Variants in MGAT4C observed in about 807,000 individuals in gnomAD.
MGAT4C encodes MGAT4 family member C.
MGAT4C carries 19 observed loss-of-function variants against 40.1 expected under a neutral mutation model. That is an observed-to-expected ratio of 0.47 (90% CI 0.33 to 0.70). MGAT4C has a LOEUF of 0.70. MGAT4C is among the 30% of genes least tolerant of loss of function. The pLI is 0.02. For synonymous variants in MGAT4C, 181 were observed against 187.1 expected, an observed-to-expected ratio of 0.97 and a Z score of 0.27; for missense variants, 491 against 563.2, an observed-to-expected ratio of 0.87 and a Z score of 1.30.
rs184625977 is a variant in MGAT4C at position 86,120,851 on chromosome 12, C to T, written c.-56-71128G>A. Reference sequence around the variant, plus strand: ...GAGCGCCTCTTCTCCTCCAAAGGAACGCAGCTCCTTGCCAGCAATGGAACA... The same window carrying T: ...GAGCGCCTCTTCTCCTCCAAAGGAATGCAGCTCCTTGCCAGCAATGGAACA... On this transcript the variant is annotated intron_variant, in intron 1 of 4. Transcript: ENST00000611864. 5.4e-4 allele frequency among the ~76,000 whole-genome samples: 83 copies of T among 152,304 alleles called. 2 individuals carry two copies. In the East Asian group the frequency reaches 7.5e-3, roughly 14 times the overall value.
intron 2 of MGAT4C, among the ~76,000 whole-genome samples, chr12:86,701,081 C>A (rs571643879): frequency 2.6e-5 from 4 of 152,184 alleles, no homozygotes; most frequent in Non-Finnish European, 5.9e-5. Flanking sequence ...CCATAGTATT[C>A]TTTCATGTCT....
intron 2 of MGAT4C, among the ~76,000 whole-genome samples, chr12:86,686,493 G>T (rs1038631715): frequency 6.6e-6 from 1 of 152,064 alleles, no homozygotes; most frequent in Non-Finnish European, 1.5e-5. Context: ...AGCTCTTATT[G>T]TTTTGAGATG....
chr12:86,735,372 G>T (rs898287380), intron 1 of MGAT4C, among the ~76,000 whole-genome samples: 18 of 151,778 alleles, frequency 1.2e-4, no homozygotes, highest in Non-Finnish European at 2.5e-4. Context: ...TGATTTGAAA[G>T]AAGTAACTGG....
intron 2 of MGAT4C, among the ~76,000 whole-genome samples, chr12:86,447,780 A>G (rs776983457): frequency 7.9e-5 from 12 of 152,152 alleles, no homozygotes; most frequent in Non-Finnish European, 1.2e-4. Flanking sequence ...GGTAGAATGA[A>G]ACTATTTTTT....
intron 2 of MGAT4C, among the ~76,000 whole-genome samples, chr12:86,600,773 G>T (rs909227628): frequency 6.6e-6 from 1 of 152,190 alleles, no homozygotes; most frequent in Non-Finnish European, 1.5e-5. Context: ...GAGTTGGTGG[G>T]ACAGGAGCTT....
At chr12:86,225,430 C>T (rs773921305) in intron 1 of MGAT4C, among the ~76,000 whole-genome samples, 3 of 152,088 alleles carry the variant, frequency 2.0e-5, no homozygotes, top group Non-Finnish European at 4.4e-5. Context: ...AGGAATTCTT[C>T]CCTACTCGTT....
intron 2 of MGAT4C, among the ~76,000 whole-genome samples, chr12:86,507,778 T>C (rs147114655): frequency 1.1e-3 from 162 of 152,304 alleles, no homozygotes; most frequent in African/African-American, 3.4e-3. Flanking sequence ...GCTAAATCAG[T>C]ACTTCTTTAA....
At chr12:86,619,306 T>C (rs766348781) in intron 2 of MGAT4C, among the ~76,000 whole-genome samples, 69 of 152,124 alleles carry the variant, frequency 4.5e-4, no homozygotes, top group Non-Finnish European at 5.1e-4. Context: ...TAATCTTTTA[T>C]TTTATTGATA....
At chr12:86,343,390 A>C (rs1954943493) in intron 3 of MGAT4C, among the ~76,000 whole-genome samples, 1 of 152,140 alleles carries the variant, frequency 6.6e-6, no homozygotes, top group Non-Finnish European at 1.5e-5. Flanking sequence ...AATATAAAGC[A>C]TTTTTCTCCT....
intron 2 of MGAT4C, among the ~76,000 whole-genome samples, chr12:86,028,371 T>C (rs866170742): frequency 6.6e-6 from 1 of 151,962 alleles, no homozygotes; most frequent in Non-Finnish European, 1.5e-5. Context: ...CTATGAAGTA[T>C]TGCTGATTTC....
intron 1 of MGAT4C, among the ~76,000 whole-genome samples, chr12:86,787,757 T>C (rs1268773136): frequency 6.6e-6 from 1 of 152,152 alleles, no homozygotes; most frequent in African/African-American, 2.4e-5. Context: ...ACTTTGTACA[T>C]TGTTTTTCAG....
At chr12:86,367,827 C>CA in intron 3 of MGAT4C, among the ~76,000 whole-genome samples, 1 of 150,756 alleles carries the variant, frequency 6.6e-6, no homozygotes, top group Admixed American at 6.6e-5. Flanking sequence ...AACAAACAAA[C>CA]AAAAAACAAC....
intron 2 of MGAT4C, among the ~76,000 whole-genome samples, chr12:86,045,206 A>G (rs1018797585): frequency 6.6e-6 from 1 of 152,114 alleles, no homozygotes; most frequent in Admixed American, 6.6e-5. Flanking sequence ...CAGGCATCTT[A>G]CTGAGACAAC....
chr12:86,718,328 C>T (rs984789375), intron 2 of MGAT4C, among the ~76,000 whole-genome samples: 1 of 152,138 alleles, frequency 6.6e-6, no homozygotes, highest in African/African-American at 2.4e-5. Context: ...TAGCTTAAAA[C>T]AGTAGCAATC....
chr12:86,767,725 T>C (rs1438300584), intron 1 of MGAT4C, among the ~76,000 whole-genome samples: 2 of 152,156 alleles, frequency 1.3e-5, no homozygotes. Context: ...TGAAAATCAA[T>C]AAATGTAATC....
intron 2 of MGAT4C, among the ~76,000 whole-genome samples, chr12:86,006,469 A>T (rs1429982453): frequency 6.6e-6 from 1 of 152,200 alleles, no homozygotes; most frequent in Admixed American, 6.5e-5. Context: ...AAGATAACTC[A>T]AAAAGAAACA....
At chr12:86,184,983 T>C (rs1888586425) in intron 1 of MGAT4C, among the ~76,000 whole-genome samples, 1 of 152,208 alleles carries the variant, frequency 6.6e-6, no homozygotes, top group African/African-American at 2.4e-5. Flanking sequence ...CACTTTGAAA[T>C]TACCAATCTA....
chr12:85,974,806 T>C lies in MGAT4C; in HGVS notation c.*4483A>G, dbSNP rs1185425158. ...TTCAAAGTAATGGAAAACTCAACAATGAAACTCAAAGTAGACTAGCAGATA... is the reference window on the plus strand; with the variant it reads ...TTCAAAGTAATGGAAAACTCAACAACGAAACTCAAAGTAGACTAGCAGATA... On this transcript the variant is annotated 3_prime_UTR_variant, in exon 5 of 5. Transcript: ENST00000611864. The C allele has an allele frequency of 6.7e-6, 1 of 150,314 alleles. No individual in the cohort carries two copies. The highest frequency in any genetic ancestry group is 1.9e-4 in the East Asian group (1 of 5,148). The allele number at this position is 150,314 out of a possible 1,614,324, so 9.3% of individuals were successfully genotyped here. A position where few individuals can be genotyped will look rare whatever the true frequency, so the allele number is the denominator to read the frequency against.
At chr12:86,299,386 G>A (rs1419048511) in intron 4 of MGAT4C, among the ~76,000 whole-genome samples, 2 of 152,070 alleles carry the variant, frequency 1.3e-5, no homozygotes, top group African/African-American at 4.8e-5. Context: ...CAGAGTGCTG[G>A]GATTACAGGC....
Sources: allele counts gnomAD v4.1 joint callset (sites outside exome capture counted in the v4.1 genomes callset), GRCh38; gene constraint gnomAD v4.1.1; transcripts MANE v1.5; gene names NCBI Gene and HGNC (gene_info 2026-07-23, HGNC 2026-07-21).